ZNF317: variants seen among roughly 807,000 people sequenced by gnomAD.
The protein encoded by ZNF317 is zinc finger protein 317.
A neutral mutation model predicts 23.4 loss-of-function variants in ZNF317; 17 were observed. That is an observed-to-expected ratio of 0.73 (90% CI 0.50 to 1.09). The LOEUF (loss-of-function observed/expected upper bound fraction) is 1.09. Among genes scored for constraint, ZNF317 ranks in the 50% least tolerant of loss-of-function variants. The probability of loss-of-function intolerance (pLI) is 0.00; values close to 1 mark genes in which losing one functional copy is unlikely to be tolerated. For synonymous variants in ZNF317, 317 were observed against 314.9 expected, an observed-to-expected ratio of 1.01 and a Z score of -0.07; for missense variants, 679 against 796.7, an observed-to-expected ratio of 0.85 and a Z score of 1.78.
rs2050845665 is a variant in ZNF317, at chr19:9,160,915, G to A, written c.1270G>A (p.Gly424Arg). 5.0e-6 allele frequency: 8 copies of A among 1,614,176 alleles called. No individual in the cohort carries two copies. The highest frequency in any genetic ancestry group is 4.5e-5 in the East Asian group (2 of 44,872). ...VKKPVECRQC[G>R]KTFRNQSILK... The stretch of plus-strand genomic sequence containing the variant: ...GAAACCCGTGGAATGTCGGCAGTGC[G>A]GGAAGACCTTCCGAAACCAGTCCAT... The change falls in exon 7 of 7, where the codon GGG becomes AGG. Residue 424 changes from glycine (G) to arginine (R), a missense_variant. By Grantham distance (125) the Gly-to-Arg change is moderately radical. Coordinates refer to ENST00000247956, the MANE Select transcript of ZNF317 (RefSeq NM_020933.5). This position sits in a 1 kb window ranked among gnomAD's most constrained non-coding sequence, Gnocchi z 6.8.
rs749224678 is a variant in ZNF317 at position 9,160,118 on chromosome 19, G to C, written c.473G>C (p.Arg158Thr). 3 of 1,613,744 alleles carry C rather than the reference G, an allele frequency of 1.9e-6. No homozygotes were observed. The highest frequency in any genetic ancestry group is 2.5e-6 in the Non-Finnish European group (3 of 1,179,738). Reference sequence around the variant, plus strand: ...CACTTACGTCTTAACCAACAGGAAAGAGCCGGTCTTGGAGAGAAGTCCACT... The same window carrying C: ...CACTTACGTCTTAACCAACAGGAAACAGCCGGTCTTGGAGAGAAGTCCACT... ...KETPSGVTME[R>T]AGLGEKSTEY... is the part of the protein sequence containing the mutation. The change falls in exon 7 of 7, where the codon AGA becomes ACA. Residue 158 changes from arginine (R) to threonine (T), a missense_variant. Arg to Thr is a moderately conservative substitution (Grantham distance 71). Transcript: ENST00000247956. The surrounding 1 kb of genome is among the most constrained non-coding windows in gnomAD (Gnocchi z 6.8).
At chr19:9,141,391 A>G (rs1042908205) in intron 1 of ZNF317, among the ~76,000 whole-genome samples, 2 of 152,206 alleles carry the variant, frequency 1.3e-5, no homozygotes, top group Non-Finnish European at 2.9e-5. Flanking sequence ...TCTAAACTGC[A>G]TCCTCCTCTC....
At chr19:9,156,890 G>A (rs2050789695) in intron 3 of ZNF317, 142 bp downstream of exon 3, 2 of 1,054,052 alleles carry the variant, frequency 1.9e-6, no homozygotes, top group African/African-American at 1.6e-5. Context: ...GGAATATTGG[G>A]GCTGTCCTGG....
chr19:9,152,971 A>G (rs1214332382), intron 1 of ZNF317, among the ~76,000 whole-genome samples: 1 of 152,130 alleles, frequency 6.6e-6, no homozygotes, highest in East Asian at 1.9e-4. Flanking sequence ...GATTTTAGTT[A>G]CTTGCATCTT....
Position 9,160,139 on chromosome 19 carries a change from C to G in ZNF317, c.494C>G (p.Ser165Cys). The change falls in exon 7 of 7, where the codon TCC (serine) becomes TGC (cysteine). Residue 165 changes from serine (S) to cysteine (C), a missense_variant. Physicochemically the swap from Ser to Cys is moderately radical, Grantham distance 112 (BLOSUM62 -1). Coordinates refer to ENST00000247956, the MANE Select transcript of ZNF317 (RefSeq NM_020933.5). The surrounding 1 kb of genome is among the most constrained non-coding windows in gnomAD (Gnocchi z 6.8). ...GAAAGAGCCGGTCTTGGAGAGAAGT[C>G]CACTGAATACGCTCACTTGTTCGAA... is the stretch of plus-strand genomic sequence containing the variant. ...TMERAGLGEKSTEYAHLFEVF... is the reference protein window; with the variant it reads ...TMERAGLGEKCTEYAHLFEVF... 6.2e-7 allele frequency: 1 copy of G among 1,614,126 alleles called. No individual in the cohort carries two copies. Among genetic ancestry groups the G allele is most frequent in the South Asian group, 1.1e-5 (1 of 91,070 alleles).
In ZNF317 at chr19:9,140,494, C is replaced by T. The variant is rs1258889194; in HGVS notation, c.-191C>T. 3 of 456,468 alleles carry T rather than the reference C, an allele frequency of 6.6e-6. No individual in the cohort carries two copies. Among genetic ancestry groups the T allele is most frequent in the Admixed American group, 2.3e-5 (1 of 42,558 alleles). The allele number at this position is 456,468 out of a possible 1,614,324, so 28.3% of individuals were successfully genotyped here. A position where few individuals can be genotyped will look rare whatever the true frequency, so the allele number is the denominator to read the frequency against. On this transcript the variant is annotated 5_prime_UTR_variant, in exon 1 of 7. Transcript: ENST00000247956. Reference sequence around the variant, plus strand: ...AATTCTTTCGGCCTGTTGGGGACCCCTCGTGTCCCCACGCCAGACTGGACC... The same window carrying T: ...AATTCTTTCGGCCTGTTGGGGACCCTTCGTGTCCCCACGCCAGACTGGACC...
intron 1 of ZNF317, among the ~76,000 whole-genome samples, chr19:9,141,945 A>G (rs1477436806): frequency 6.6e-6 from 1 of 152,070 alleles, no homozygotes; most frequent in African/African-American, 2.4e-5. Flanking sequence ...AGCTGGGAAT[A>G]CAGGCACCCA....
chr19:9,156,809 TGC>T lies in ZNF317; in HGVS notation c.162+62_162+63del. 1.7e-5 allele frequency: 26 copies of T among 1,570,094 alleles called. No individual in the cohort carries two copies. In the South Asian group the frequency reaches 2.7e-4, roughly 16 times the overall value. On this transcript the variant is annotated intron_variant, in intron 3 of 6. Transcript: ENST00000247956. ...GGCACTTCCTGGAAGACCCCACCAG[TGC>T]ATGCTGGAATTCTTGCAGAGCTTCA...
intron 1 of ZNF317, among the ~76,000 whole-genome samples, chr19:9,144,879 A>G (rs756021399): frequency 1.3e-5 from 2 of 150,228 alleles, no homozygotes; most frequent in Non-Finnish European, 2.9e-5. Context: ...GTGGGTTGCA[A>G]GCCCACAGGA....
chr19:9,156,106 G>A (rs2050779536), intron 2 of ZNF317, 65 bp downstream of exon 2: 1 of 1,589,502 alleles, frequency 6.3e-7, no homozygotes, highest in Non-Finnish European at 8.6e-7. Context: ...CACTTGATGG[G>A]GTGAAAGATA....
At position 9,157,987 on chromosome 19, in the gene ZNF317, G is replaced by A. The variant is rs1176022461; in HGVS notation, c.297G>A (p.Gln99=). Residue 99 remains glutamine, a synonymous_variant, in exon 5 of 7, where the codon CAG becomes CAA. Transcript: ENST00000247956. The part of the protein sequence containing the change: ...NYSNLTSLGY[Q]VGKPSLISHL... ...TCTTTCCCGTGAGTGTAGGGTATCA[G>A]GTCGGCAAACCCAGCCTCATCTCAC... 5 of 1,551,482 alleles carry A rather than the reference G, an allele frequency of 3.2e-6. No individual in the cohort carries two copies. The South Asian group carries it at 5.9e-5, about 18-fold the overall frequency.
chr19:9,158,363 CTTTTTTTTTTTTTTTTTTTT>C (rs200591339), intron 5 of ZNF317, among the ~76,000 whole-genome samples: 1 of 76,496 alleles, frequency 1.3e-5, no homozygotes, highest in Non-Finnish European at 2.3e-5. Flanking sequence ...TTTCTTTTTT[CTTTTTTTTTTTTTTTTTTTT>C]TTTTTTTTGA....
At chr19:9,145,938 G>A (rs2050678765) in intron 1 of ZNF317, among the ~76,000 whole-genome samples, 1 of 152,092 alleles carries the variant, frequency 6.6e-6, no homozygotes, top group African/African-American at 2.4e-5. Context: ...GTTACTTAAA[G>A]TGTTCCAGGG....
chr19:9,156,116 A>C, intron 2 of ZNF317, 75 bp downstream of exon 2: 2 of 1,560,638 alleles, frequency 1.3e-6, no homozygotes, highest in Admixed American at 1.7e-5. Context: ...GGTGAAAGAT[A>C]CGTACACCAT....
At position 9,155,975 on chromosome 19, in the gene ZNF317, C is replaced by T; in HGVS notation, c.-42C>T. ...AGCAAGAGAGTAGCTTTCTGGTTGTCCTGGTGCCCTGCTCAGGCAAACTGA... is the reference window on the plus strand; with the variant it reads ...AGCAAGAGAGTAGCTTTCTGGTTGTTCTGGTGCCCTGCTCAGGCAAACTGA... On this transcript the variant is annotated 5_prime_UTR_variant, in exon 2 of 7. Coordinates refer to ENST00000247956, the MANE Select transcript of ZNF317 (RefSeq NM_020933.5). 1 of 1,614,068 alleles carries T rather than the reference C, an allele frequency of 6.2e-7. No individual in the cohort carries two copies. The highest frequency in any genetic ancestry group is 8.5e-7 in the Non-Finnish European group (1 of 1,179,922).
intron 5 of ZNF317, among the ~76,000 whole-genome samples, chr19:9,158,402 C>T (rs1407082856): frequency 1.5e-5 from 1 of 66,968 alleles, no homozygotes; most frequent in Admixed American, 2.1e-4. Context: ...GACGGAGTCT[C>T]ACTCTGTTGC....
In ZNF317 at chr19:9,140,591, G is replaced by C. The variant is rs1175537714; in HGVS notation, c.-94G>C. The stretch of plus-strand genomic sequence containing the variant: ...CGCTCCCCCGATCCTATTCCCAGTC[G>C]TGTAAGCCCTGCTTTCCTTAACCCT... On this transcript the variant is annotated splice_region_variant and 5_prime_UTR_variant, in exon 1 of 7. Coordinates refer to ENST00000247956, the MANE Select transcript of ZNF317 (RefSeq NM_020933.5). The C allele has an allele frequency of 8.8e-6, 4 of 456,502 alleles. No homozygotes were observed. The highest frequency in any genetic ancestry group is 1.8e-5 in the Non-Finnish European group (4 of 226,878). 28.3% of individuals were successfully genotyped at this position (456,502 alleles called of 1,614,324 possible).
chr19:9,143,275 A>G (rs8104182), intron 1 of ZNF317, among the ~76,000 whole-genome samples: 39,240 of 151,984 alleles, frequency 0.26, 5,704 homozygotes, highest in African/African-American at 0.4. Flanking sequence ...AATAAATTCC[A>G]TCAGAATGTT....
intron 1 of ZNF317, among the ~76,000 whole-genome samples, chr19:9,144,224 A>C (rs1005494874): frequency 6.6e-6 from 1 of 152,176 alleles, no homozygotes; most frequent in East Asian, 1.9e-4. Context: ...GCTGGTCTCG[A>C]ACTCCCAACC....
Sources: gnomAD v4.1 joint callset for allele counts (sites outside exome capture counted in the v4.1 genomes callset) on GRCh38, gnomAD v4.1.1 for gene constraint, Gnocchi (gnomAD v3.1) non-coding constraint, MANE v1.5 for transcripts, NCBI Gene and HGNC (gene_info 2026-07-23, HGNC 2026-07-21) for gene names.